The following CCDC30 variants were observed in gnomAD, a reference collection of about 807,000 sequenced individuals.
CCDC30 encodes the protein coiled-coil domain-containing protein 30.
CCDC30 carries 70 observed loss-of-function variants against 100.2 expected under a neutral mutation model. The observed-to-expected ratio is 0.70, with a 90% CI of 0.58 to 0.85. The LOEUF is 0.85. CCDC30 is among the 40% of genes least tolerant of loss of function. The pLI is 0.00. For synonymous variants in CCDC30, 233 were observed against 269.5 expected, an observed-to-expected ratio of 0.86 and a Z score of 1.33; for missense variants, 652 against 771.2, an observed-to-expected ratio of 0.85 and a Z score of 1.83.
intron 13 of CCDC30, 106 bp downstream of exon 17, chr1:42,642,715 A>G: frequency 5.4e-6 from 6 of 1,105,928 alleles, no homozygotes; most frequent in Non-Finnish European, 7.3e-6. Context: ...AGCCTACCCT[A>G]TGACTCTCGC....
chr1:42,612,964 TAG>T, intron 11 of CCDC30, among the ~76,000 whole-genome samples: 1 of 152,332 alleles, frequency 6.6e-6, no homozygotes, highest in Admixed American at 6.5e-5. Context: ...TTTATTTTTA[TAG>T]AACTATAGAT....
chr1:42,553,846 A>C (rs1451815311), intron 6 of CCDC30, among the ~76,000 whole-genome samples: 1 of 152,176 alleles, frequency 6.6e-6, no homozygotes, highest in Admixed American at 6.5e-5. Flanking sequence ...GTTTTGCATC[A>C]TTTGAATATA....
chr1:42,570,656 A>G (rs1249866243), intron 7 of CCDC30, among the ~76,000 whole-genome samples: 2 of 152,144 alleles, frequency 1.3e-5, no homozygotes, highest in Non-Finnish European at 2.9e-5. Flanking sequence ...TCAACTATTT[A>G]TGAATCTCAT....
At chr1:42,508,085 T>C (rs1368928207) in intron 6 of CCDC30, among the ~76,000 whole-genome samples, 1 of 152,142 alleles carries the variant, frequency 6.6e-6, no homozygotes, top group African/African-American at 2.4e-5. Flanking sequence ...AATTTTTCAT[T>C]TGCTAGTTTC....
chr1:42,482,859 C>G (rs1453351236), intron 3 of CCDC30, 43 bp downstream of exon 3: 1 of 1,177,584 alleles, frequency 8.5e-7, no homozygotes, highest in Non-Finnish European at 1.1e-6. Flanking sequence ...CATGCTTTAA[C>G]TGTACTGATC....
At chr1:42,634,176 C>G (rs1287643985) in intron 11 of CCDC30, among the ~76,000 whole-genome samples, 1 of 150,680 alleles carries the variant, frequency 6.6e-6, no homozygotes, top group East Asian at 2.0e-4. Context: ...ACCTCTAGTC[C>G]CAGCTACTCA....
At chr1:42,462,125 CAG>C (rs1489945318), upstream of CCDC30, among the ~76,000 whole-genome samples, 1 of 141,948 alleles carries the variant, frequency 7.0e-6, no homozygotes. Context: ...TAAAAACAAT[CAG>C]TGTTCTACAT....
the CCDC30 span, chr1:42,456,964 G>T: frequency 6.2e-7 from 1 of 1,604,092 alleles, no homozygotes; most frequent in Non-Finnish European, 8.5e-7. Context: ...AGGCTCTGAG[G>T]AGCTACCAGG....
chr1:42,575,660 A>C (rs1645821460), intron 7 of CCDC30, among the ~76,000 whole-genome samples: 2 of 148,680 alleles, frequency 1.3e-5, no homozygotes, highest in Non-Finnish European at 3.0e-5. Flanking sequence ...AAAAAAAAAG[A>C]AGCAAACAAA....
At chr1:42,576,815 T>C (rs953472114) in intron 7 of CCDC30, among the ~76,000 whole-genome samples, 3 of 152,208 alleles carry the variant, frequency 2.0e-5, no homozygotes, top group Admixed American at 6.5e-5. Context: ...CATGCATATA[T>C]AGAAACTCAG....
At chr1:42,488,231 A>T (rs1644082521) in intron 3 of CCDC30, among the ~76,000 whole-genome samples, 1 of 152,194 alleles carries the variant, frequency 6.6e-6, no homozygotes. Context: ...TTAATCTGGT[A>T]GAGAGATCTC....
chr1:42,517,648 A>G (rs994522784), intron 6 of CCDC30, among the ~76,000 whole-genome samples: 1 of 151,898 alleles, frequency 6.6e-6, no homozygotes, highest in African/African-American at 2.4e-5. Flanking sequence ...ATGTTGTTTT[A>G]TCACCATTTA....
intron 6 of CCDC30, chr1:42,542,943 G>A (rs903356250): frequency 2.6e-5 from 4 of 153,512 alleles, no homozygotes; most frequent in African/African-American, 9.6e-5. Context: ...TATCTGTAAT[G>A]TTTACATTTT....
chr1:42,499,573 C>G (rs1025653608), intron 6 of CCDC30, among the ~76,000 whole-genome samples: 23 of 152,042 alleles, frequency 1.5e-4, no homozygotes, highest in African/African-American at 5.3e-4. Context: ...CCTTCCAGGC[C>G]CAAGCCATCC....
exon 17 of CCDC30, chr1:42,653,963 A>G: frequency 6.2e-7 from 1 of 1,614,168 alleles, no homozygotes; most frequent in South Asian, 1.1e-5. Flanking sequence ...GGCTGGATAC[A>G]TAAATGTGGC....
chr1:42,652,236 C>G lies in CCDC30; in HGVS notation c.1855-1140C>G, dbSNP rs1429768857. ...TGGCACAGAAAAACAAATACCACAT[C>G]TTCTCACTTAAATGTGGAATCTAAA... On this transcript the variant is annotated intron_variant, in intron 15 of 16. Transcript: ENST00000668663. Among the ~76,000 whole-genome samples the G allele has an allele frequency of 2.6e-5, 4 of 152,222 alleles. No homozygotes were observed. The East Asian group carries it at 7.7e-4, about 29-fold the overall frequency.
chr1:42,486,926 T>C (rs1170322353), intron 3 of CCDC30, among the ~76,000 whole-genome samples: 1 of 152,112 alleles, frequency 6.6e-6, no homozygotes, highest in East Asian at 1.9e-4. Flanking sequence ...ATATATTGTG[T>C]GATTCCATTT....
intron 6 of CCDC30, among the ~76,000 whole-genome samples, chr1:42,507,493 TC>T (rs571573204): frequency 3.9e-5 from 6 of 152,234 alleles, no homozygotes; most frequent in Non-Finnish European, 5.9e-5. Context: ...TTCAGCTTTA[TC>T]TTATCTAATT....
chr1:42,602,272 T>C (rs1053827048), intron 10 of CCDC30, among the ~76,000 whole-genome samples: 2 of 151,082 alleles, frequency 1.3e-5, no homozygotes, highest in Non-Finnish European at 1.5e-5. Context: ...TCTAACATGG[T>C]GGTGTTTGTG....
Sources: gnomAD v4.1 joint callset for allele counts (sites outside exome capture counted in the v4.1 genomes callset) on GRCh38, gnomAD v4.1.1 for gene constraint, MANE v1.5 for transcripts, NCBI Gene and HGNC (gene_info 2026-07-23, HGNC 2026-07-21) for gene names.